Variants in CSMD2 observed in about 807,000 individuals in gnomAD.
CSMD2 encodes the protein CUB and Sushi multiple domains 2, also known as CUB and sushi domain-containing protein 2.
A neutral mutation model predicts 398.5 loss-of-function variants in CSMD2; 130 were observed. That is an observed-to-expected ratio of 0.33 (90% confidence interval 0.28 to 0.38). The LOEUF is 0.38. CSMD2 is among the 10% of genes least tolerant of loss of function. The probability of loss-of-function intolerance (pLI) is 1.00; values close to 1 mark genes in which losing one functional copy is unlikely to be tolerated. For synonymous variants in CSMD2, 1,828 were observed against 1,908.5 expected (o/e 0.96, Z 1.10); for missense variants, 3,829 against 4,764.9 (o/e 0.80, Z 5.78).
intron 48 of CSMD2, 151 bp from the exon 49 acceptor site, chr1:33,577,635 A>T: frequency 1.6e-6 from 1 of 614,548 alleles, no homozygotes; most frequent in South Asian, 3.2e-5. Flanking sequence ...TGAATGGTGG[A>T]TATTGAAAAA....
At position 33,537,425 on chromosome 1, in the gene CSMD2, T is replaced by C; in HGVS notation, c.9805+11A>G. 1 of 1,601,184 alleles carries C rather than the reference T, an allele frequency of 6.2e-7. No individual in the cohort carries two copies. The highest frequency in any genetic ancestry group is 8.5e-7 in the Non-Finnish European group (1 of 1,172,608). On this transcript the variant is annotated intron_variant, in intron 61 of 70. Transcript: ENST00000373381. The surrounding 1 kb of genome is among the most constrained non-coding windows in gnomAD (Gnocchi z 4.6). Reference sequence around the variant, plus strand: ...CAGCCAAGACGCTCCCTGCTCCAGATGACCTCTCACCTATGCAGCTGGGCT... The same window carrying C: ...CAGCCAAGACGCTCCCTGCTCCAGACGACCTCTCACCTATGCAGCTGGGCT...
At chr1:33,520,100 G>C in intron 68 of CSMD2, 150 bp from the exon 69 acceptor site, 1 of 856,924 alleles carries the variant, frequency 1.2e-6, no homozygotes, top group African/African-American at 1.7e-5. Context: ...GTGTGCCCAG[G>C]GCTGCCCGCC....
chr1:33,994,187 A>C (rs1646652685), intron 3 of CSMD2, among the ~76,000 whole-genome samples: 2 of 152,172 alleles, frequency 1.3e-5, no homozygotes, highest in South Asian at 4.1e-4. Flanking sequence ...AAGGGTGGTT[A>C]AATTTGAGGG....
chr1:34,091,283 T>G (rs1033987516), intron 1 of CSMD2, among the ~76,000 whole-genome samples: 3 of 152,192 alleles, frequency 2.0e-5, no homozygotes, highest in Non-Finnish European at 2.9e-5. Context: ...CTCAATAATT[T>G]AATATTTTGT....
intron 3 of CSMD2, among the ~76,000 whole-genome samples, chr1:34,014,764 G>C (rs1008171534): frequency 6.6e-6 from 1 of 152,270 alleles, no homozygotes; most frequent in Non-Finnish European, 1.5e-5. Flanking sequence ...ATGAATGGAT[G>C]GATGGGTAGA....
intron 47 of CSMD2, 90 bp downstream of exon 47, chr1:33,583,552 G>C (rs1005857709): frequency 7.6e-7 from 1 of 1,317,218 alleles, no homozygotes; most frequent in Non-Finnish European, 1.1e-6. Context: ...GGCAAGCCCT[G>C]ATAGGAAAAC....
chr1:33,749,351 G>A (rs1475322359), intron 13 of CSMD2, among the ~76,000 whole-genome samples: 2 of 151,814 alleles, frequency 1.3e-5, no homozygotes, highest in African/African-American at 2.4e-5. Flanking sequence ...CACCCGCCTC[G>A]GCCTCCCAAA....
intron 22 of CSMD2, among the ~76,000 whole-genome samples, chr1:33,707,671 GCACGCGTGCACA>G (rs1557764258): frequency 3.4e-5 from 5 of 146,082 alleles, no homozygotes; most frequent in Admixed American, 7.0e-5. Flanking sequence ...TTTCAAACAC[GCACGCGTGCACA>G]CGCGCGCGCG....
intron 3 of CSMD2, among the ~76,000 whole-genome samples, chr1:33,970,117 A>G (rs1645704740): frequency 1.3e-5 from 2 of 151,750 alleles, no homozygotes; most frequent in African/African-American, 4.8e-5. Flanking sequence ...AAAAAAAAAA[A>G]AAAAGAAAAG....
intron 50 of CSMD2, 100 bp downstream of exon 50, chr1:33,572,406 T>TC (rs1491205005): frequency 2.2e-5 from 22 of 993,956 alleles, no homozygotes; most frequent in African/African-American, 3.3e-5. Flanking sequence ...TTTTTTTTTT[T>TC]CCCCCTCATT....
At chr1:33,992,876 C>CAAA (rs199827617) in intron 3 of CSMD2, among the ~76,000 whole-genome samples, 21 of 61,816 alleles carry the variant, frequency 3.4e-4, no homozygotes, top group Middle Eastern at 9.8e-3. Flanking sequence ...GACTCCATCT[C>CAAA]AAAAAAAAAA....
chr1:34,133,612 T>C (rs1007258849), intron 1 of CSMD2, among the ~76,000 whole-genome samples: 13 of 151,666 alleles, frequency 8.6e-5, no homozygotes, highest in South Asian at 2.1e-4. Flanking sequence ...GCTTGGGTGA[T>C]AGAGCAAGAC....
Position 33,898,636 on chromosome 1 carries a change from T to G in CSMD2, c.920+19458A>C, listed in dbSNP as rs140686811. Among the ~76,000 whole-genome samples the G allele has an allele frequency of 3.0e-4, 45 of 152,126 alleles. No individual in the cohort carries two copies. In the East Asian group the frequency reaches 7.9e-3, roughly 27 times the overall value. On this transcript the variant is annotated intron_variant, in intron 5 of 70. Coordinates refer to ENST00000373381, the MANE Select transcript of CSMD2 (RefSeq NM_001281956.2). ...CGCCAGAGACTTGTCAACTTCCCTA[T>G]GAAGGTAATTACTTGCTAAGGCACC...
intron 12 of CSMD2, among the ~76,000 whole-genome samples, chr1:33,774,688 G>A (rs1011400904): frequency 6.6e-6 from 1 of 152,182 alleles, no homozygotes; most frequent in African/African-American, 2.4e-5. Context: ...AGATATGCAC[G>A]TGGGGTACAT....
At chr1:33,686,921 C>G (rs1645079533) in intron 25 of CSMD2, among the ~76,000 whole-genome samples, 1 of 152,212 alleles carries the variant, frequency 6.6e-6, no homozygotes, top group Non-Finnish European at 1.5e-5. Flanking sequence ...GAACAACTAT[C>G]CACCTAGCTC....
At chr1:34,144,202 G>T (rs900852740) in intron 1 of CSMD2, among the ~76,000 whole-genome samples, 1 of 152,132 alleles carries the variant, frequency 6.6e-6, no homozygotes, top group Non-Finnish European at 1.5e-5. Flanking sequence ...GACAGGTCCT[G>T]CCTGTCCCAG....
chr1:33,763,089 T>C (rs11801212), intron 13 of CSMD2, among the ~76,000 whole-genome samples: 2 of 152,204 alleles, frequency 1.3e-5, no homozygotes, highest in South Asian at 4.1e-4. Flanking sequence ...ACACAACGTA[T>C]CACCACATGT....
chr1:33,526,316 C>T (rs1349359749), intron 65 of CSMD2, among the ~76,000 whole-genome samples: 4 of 152,138 alleles, frequency 2.6e-5, no homozygotes, highest in East Asian at 3.9e-4. Flanking sequence ...CAGACAGACC[C>T]AGAGTCTAAT....
chr1:33,792,503 C>T lies in CSMD2; in HGVS notation c.1470G>A (p.Glu490=). The T allele has an allele frequency of 6.2e-7, 1 of 1,614,010 alleles. No homozygotes were observed. Among genetic ancestry groups the T allele is most frequent in the South Asian group, 1.1e-5 (1 of 91,074 alleles). ...PSKVIKLAFE[E]FDLERGYDTL... ...TGTCATAGCCCCTCTCCAAATCAAA[C>T]TCCTCAAAGGCGAGCTTGATCACCT... is the stretch of plus-strand genomic sequence containing the variant. The change falls in exon 11 of 71, where the codon GAG becomes GAA. Residue 490 remains glutamate (E), a synonymous_variant. Transcript: ENST00000373381.
Sources: gnomAD v4.1 joint callset for allele counts (sites outside exome capture counted in the v4.1 genomes callset) on GRCh38, gnomAD v4.1.1 for gene constraint, Gnocchi (gnomAD v3.1) non-coding constraint, MANE v1.5 for transcripts, NCBI Gene and HGNC (gene_info 2026-07-23, HGNC 2026-07-21) for gene names.